The following ZBTB44 variants were observed in gnomAD, a reference collection of about 807,000 sequenced individuals.
ZBTB44 encodes zinc finger and BTB domain containing 44, also known as zinc finger and BTB domain-containing protein 44.
A neutral mutation model predicts 54.0 loss-of-function variants in ZBTB44; 15 were observed. The ratio of observed to expected loss-of-function variants is 0.28; its 90% CI spans 0.19 to 0.43. ZBTB44 has a LOEUF of 0.43. Among genes scored for constraint, ZBTB44 ranks in the 20% least tolerant of loss-of-function variants. ZBTB44 has a pLI of 1.00. For synonymous variants in ZBTB44, 230 were observed against 250.1 expected (o/e 0.92, Z 0.76); for missense variants, 487 against 707.1 (o/e 0.69, Z 3.53).
At chr11:130,296,443 CCA>C in intron 1 of ZBTB44, 1 of 1,261,916 alleles carries the variant, frequency 7.9e-7, no homozygotes, top group African/African-American at 1.5e-5. Context: ...AAATGTACGA[CCA>C]CATTCTTCCA....
chr11:130,256,944 A>G (rs1019567366), intron 2 of ZBTB44, among the ~76,000 whole-genome samples: 2 of 152,106 alleles, frequency 1.3e-5, no homozygotes, highest in Non-Finnish European at 2.9e-5. Context: ...GGAAGAGAGG[A>G]AGTCAAGGGT....
intron 2 of ZBTB44, among the ~76,000 whole-genome samples, chr11:130,258,477 T>C (rs554499332): frequency 6.6e-6 from 1 of 152,314 alleles, no homozygotes; most frequent in South Asian, 2.1e-4. Context: ...AATATCTGCA[T>C]GTTTTTGTTT....
At chr11:130,272,001 C>T (rs1425421973) in intron 1 of ZBTB44, among the ~76,000 whole-genome samples, 1 of 151,876 alleles carries the variant, frequency 6.6e-6, no homozygotes, top group Non-Finnish European at 1.5e-5. Context: ...GAGGTCGAGG[C>T]GGGTGGATTA....
chr11:130,313,860 A>G (rs1662416833), intron 1 of ZBTB44, among the ~76,000 whole-genome samples: 1 of 152,038 alleles, frequency 6.6e-6, no homozygotes, highest in African/African-American at 2.4e-5. Context: ...TAGGCCAGCA[A>G]TAAAACGACT....
intron 1 of ZBTB44, among the ~76,000 whole-genome samples, chr11:130,298,954 G>A (rs1354517475): frequency 6.6e-6 from 1 of 152,052 alleles, no homozygotes; most frequent in Non-Finnish European, 1.5e-5. Flanking sequence ...ATAGTGGCAT[G>A]CACCTATAGT....
intron 1 of ZBTB44, among the ~76,000 whole-genome samples, chr11:130,275,059 T>C (rs1939957926): frequency 6.6e-6 from 1 of 152,232 alleles, no homozygotes; most frequent in Admixed American, 6.5e-5. Flanking sequence ...GATTGTCTAC[T>C]GCTTCTGACA....
chr11:130,301,663 CAAAT>C (rs1220508928), intron 1 of ZBTB44, among the ~76,000 whole-genome samples: 2 of 151,838 alleles, frequency 1.3e-5, no homozygotes, highest in Non-Finnish European at 2.9e-5. Flanking sequence ...GATTCTGTCT[CAAAT>C]AAATAAATAA....
chr11:130,308,934 A>C (rs543297645), intron 1 of ZBTB44, among the ~76,000 whole-genome samples: 1 of 152,358 alleles, frequency 6.6e-6, no homozygotes, highest in Admixed American at 6.5e-5. Context: ...AGCAAAAAGA[A>C]AAAGCAGATA....
chr11:130,230,517 T>C lies in ZBTB44; in HGVS notation c.*1247A>G, dbSNP rs1953840941. ...CAGAATGATTGCTGAAATGTCAAAA[T>C]GTAAGATTGAATGAGGCTATTTAAA... On this transcript the variant is annotated 3_prime_UTR_variant, in exon 8 of 8. Coordinates refer to ENST00000357899, the MANE Select transcript of ZBTB44 (RefSeq NM_001301098.2). 7.2e-6 allele frequency: 1 copy of C among 139,106 alleles called. No homozygotes were observed. The highest frequency in any genetic ancestry group is 8.1e-5 in the Admixed American group (1 of 12,378). 8.6% of individuals were successfully genotyped at this position (139,106 alleles called of 1,614,324 possible). A position where few individuals can be genotyped will look rare whatever the true frequency, so the allele number is the denominator to read the frequency against.
chr11:130,260,950 A>C lies in ZBTB44; in HGVS notation c.924T>G (p.Ser308Arg). The C allele has an allele frequency of 6.2e-7, 1 of 1,614,026 alleles. No homozygotes were observed. The highest frequency in any genetic ancestry group is 8.5e-7 in the Non-Finnish European group (1 of 1,179,900). The change falls in exon 2 of 8, where the codon AGT becomes AGG. Residue 308 changes from serine (S) to arginine (R), a missense_variant. By Grantham distance (110) the Ser-to-Arg change is moderately radical. This residue lies in a region of ZBTB44 where 277 missense variants were observed against 306.5 expected (regional missense o/e 0.90). Coordinates refer to ENST00000357899, the MANE Select transcript of ZBTB44 (RefSeq NM_001301098.2). ...GATCACTCAGCGAACTCTGAGATGC[A>C]CTGACAGGCTGGGACACTTCCTCAT... Reference protein sequence around the residue: ...EVHEEVSQPVSASQSSLSDQQ... With the variant: ...EVHEEVSQPVRASQSSLSDQQ...
chr11:130,246,994 G>C (rs1954676394), intron 2 of ZBTB44, among the ~76,000 whole-genome samples: 2 of 152,280 alleles, frequency 1.3e-5, no homozygotes, highest in Admixed American at 1.3e-4. Context: ...TTCCTAGATA[G>C]TATTTATTAA....
At position 130,231,097 on chromosome 11, in the gene ZBTB44, T is replaced by C. The variant is rs1953860522; in HGVS notation, c.*667A>G. ...AGTTACACTGGTAATTTCTAATGAA[T>C]GGGATAATATAACTGGCTATCTCTT... On this transcript the variant is annotated 3_prime_UTR_variant, in exon 8 of 8. Transcript: ENST00000357899. 1 of 152,124 alleles carries C rather than the reference T, an allele frequency of 6.6e-6. No individual in the cohort carries two copies. The highest frequency in any genetic ancestry group is 2.4e-5 in the African/African-American group (1 of 41,434). The allele number at this position is 152,124 out of a possible 1,614,324, so 9.4% of individuals were successfully genotyped here. A position where few individuals can be genotyped will look rare whatever the true frequency, so the allele number is the denominator to read the frequency against.
At chr11:130,295,037 C>T (rs1460998229) in intron 1 of ZBTB44, among the ~76,000 whole-genome samples, 2 of 152,044 alleles carry the variant, frequency 1.3e-5, no homozygotes. Context: ...AGTAGCTGTA[C>T]TGTGTGACGT....
At chr11:130,307,212 A>G (rs369224028) in intron 1 of ZBTB44, among the ~76,000 whole-genome samples, 1 of 151,988 alleles carries the variant, frequency 6.6e-6, no homozygotes, top group Non-Finnish European at 1.5e-5. Flanking sequence ...ATCACAAGGT[A>G]AGGAGACCAA....
intron 1 of ZBTB44, among the ~76,000 whole-genome samples, chr11:130,276,988 A>G (rs769474409): frequency 4.6e-5 from 7 of 152,122 alleles, no homozygotes; most frequent in Non-Finnish European, 1.0e-4. Flanking sequence ...TTTACATGAT[A>G]TATTTATTTC....
Position 130,261,234 on chromosome 11 carries a change from A to G in ZBTB44, c.640T>C (p.Tyr214His). The change falls in exon 2 of 8, where the codon TAC becomes CAC. Residue 214 changes from tyrosine (Y) to histidine (H), a missense_variant. Tyr to His is a moderately conservative substitution (Grantham distance 83). Transcript: ENST00000357899. The surrounding 1 kb of genome is among the most constrained non-coding windows in gnomAD (Gnocchi z 4.8). ...ACTGGTTGGTTTCTATTTTCTGAGTAGGAAGCTGAAGAATTCAATACCTGG... is the reference window on the plus strand; with the variant it reads ...ACTGGTTGGTTTCTATTTTCTGAGTGGGAAGCTGAAGAATTCAATACCTGG... ...SPQVLNSSASYSENRNQPVDS... is the reference protein window; with the variant it reads ...SPQVLNSSASHSENRNQPVDS... The G allele has an allele frequency of 6.2e-7, 1 of 1,614,000 alleles. No homozygotes were observed. The highest frequency in any genetic ancestry group is 8.5e-7 in the Non-Finnish European group (1 of 1,179,892).
At chr11:130,259,815 C>A (rs1938721927) in intron 2 of ZBTB44, among the ~76,000 whole-genome samples, 1 of 149,306 alleles carries the variant, frequency 6.7e-6, no homozygotes, top group African/African-American at 2.5e-5. Flanking sequence ...GGATGGGGGG[C>A]TAGGGGAGAG....
chr11:130,270,365 A>C (rs1446424151), intron 1 of ZBTB44, among the ~76,000 whole-genome samples: 4 of 152,234 alleles, frequency 2.6e-5, no homozygotes, highest in Non-Finnish European at 4.4e-5. Context: ...ATCCAGGTGG[A>C]AATTTATACA....
rs377061911 is a variant in ZBTB44 at position 130,235,481 on chromosome 11, C to T, written c.1569-1208G>A. Among the ~76,000 whole-genome samples, 18 of 152,184 alleles carry T rather than the reference C, an allele frequency of 1.2e-4. No individual in the cohort carries two copies. In the East Asian group the frequency reaches 2.5e-3, roughly 21 times the overall value. On this transcript the variant is annotated intron_variant, in intron 5 of 7. Coordinates refer to ENST00000357899, the MANE Select transcript of ZBTB44 (RefSeq NM_001301098.2). ...GGTTTGAAGGGAAAAACAAAATCTA[C>T]GCAGGAATAATTTGGAATTTGTTTA...
Sources: allele counts gnomAD v4.1 joint callset (sites outside exome capture counted in the v4.1 genomes callset), GRCh38; gene constraint gnomAD v4.1.1; regional missense constraint gnomAD v4.1.1; non-coding constraint Gnocchi (gnomAD v3.1); transcripts MANE v1.5; gene names NCBI Gene and HGNC (gene_info 2026-07-23, HGNC 2026-07-21).